Variants in ZNF610 observed in about 807,000 individuals in gnomAD.
The protein encoded by ZNF610 is zinc finger protein 610.
In ZNF610, 14 loss-of-function variants were observed where a neutral mutation model predicts 14.1. That is an observed-to-expected ratio of 0.99 (90% CI 0.65 to 1.55). The LOEUF (loss-of-function observed/expected upper bound fraction) is 1.55. Ranked by LOEUF, ZNF610 falls within the 40% of genes most tolerant of loss-of-function variation. The pLI is 0.00. For synonymous variants in ZNF610, 185 were observed against 187.6 expected (o/e 0.99, Z 0.11); for missense variants, 530 against 558.0 (o/e 0.95, Z 0.51).
chr19:52,334,910 C>A (rs150616194), upstream of ZNF610, among the ~76,000 whole-genome samples: 459 of 106,014 alleles, frequency 4.3e-3, 3 homozygotes, highest in East Asian at 0.034. Flanking sequence ...GCCTGGGTGA[C>A]AGAGCAAGAC....
intron 5 of ZNF610, among the ~76,000 whole-genome samples, chr19:52,357,317 G>T (rs1024999145): frequency 2.6e-5 from 4 of 152,092 alleles, no homozygotes; most frequent in African/African-American, 7.2e-5. Context: ...AGGAGTTTGA[G>T]ACCAGCAACA....
upstream of ZNF610, among the ~76,000 whole-genome samples, chr19:52,334,936 A>AACACACACACACAGACACACAC (rs1984301049): frequency 2.4e-5 from 1 of 41,536 alleles, no homozygotes; most frequent in Non-Finnish European, 5.0e-5. Flanking sequence ...CTCAAAAACA[A>AACACACACACACAGACACACAC]ACACACACAC....
chr19:52,359,505 G>T (rs1247476253), intron 5 of ZNF610, among the ~76,000 whole-genome samples: 1 of 152,090 alleles, frequency 6.6e-6, no homozygotes, highest in Admixed American at 6.6e-5. Flanking sequence ...AGTTGAATCT[G>T]CAGATATAGA....
chr19:52,344,028 A>C (rs1984814798), intron 1 of ZNF610: 1 of 152,106 alleles, frequency 6.6e-6, no homozygotes, highest in Non-Finnish European at 1.5e-5. Flanking sequence ...GTGGGAGGGA[A>C]GTTTACTCCA....
rs142202919 is a variant in ZNF610, at chr19:52,353,285, A to G, written c.64-397A>G. ...AATATTCTTAAATTTTGTATCATGTATCACTGTTTTATTAATGAAATAAAT... is the reference window on the plus strand; with the variant it reads ...AATATTCTTAAATTTTGTATCATGTGTCACTGTTTTATTAATGAAATAAAT... On this transcript the variant is annotated intron_variant, in intron 3 of 5. Coordinates refer to ENST00000403906, the MANE Select transcript of ZNF610 (RefSeq NM_001161425.2). Among the ~76,000 whole-genome samples, 466 of 152,324 alleles carry G rather than the reference A, an allele frequency of 3.1e-3. 9 individuals carry two copies. The East Asian group carries it at 0.066, about 22-fold the overall frequency.
intron 1 of ZNF610, among the ~76,000 whole-genome samples, chr19:52,338,680 AAAG>A (rs1386465117): frequency 3.3e-5 from 5 of 152,138 alleles, no homozygotes; most frequent in Non-Finnish European, 7.4e-5. Context: ...TCTCAAAAAA[AAAG>A]GAGGGGCTCT....
Position 52,354,352 on chromosome 19 carries a change from A to G in ZNF610, c.292A>G (p.Arg98Gly), listed in dbSNP as rs760352723. ...QVKIVKNTDGRECVRSVNTGR... is the reference protein window; with the variant it reads ...QVKIVKNTDGGECVRSVNTGR... ...TAAAATAGTAAAAAATACAGATGGA[A>G]GGGAATGTGTCAGAAGCGTGAACAC... The change falls in exon 5 of 6, where the codon AGG becomes GGG. Residue 98 changes from arginine to glycine, a missense_variant. By Grantham distance (125) the Arg-to-Gly change is moderately radical (BLOSUM62 -2). Transcript: ENST00000403906. 6 of 1,614,152 alleles carry G rather than the reference A, an allele frequency of 3.7e-6. No individual in the cohort carries two copies. The South Asian group carries it at 6.6e-5, about 18-fold the overall frequency.
chr19:52,335,904 T>C (rs1044150453), upstream of ZNF610, among the ~76,000 whole-genome samples: 3 of 152,190 alleles, frequency 2.0e-5, no homozygotes, highest in Non-Finnish European at 4.4e-5. Flanking sequence ...GGGTCTACAC[T>C]ACGCCCAGGC....
chr19:52,335,074 G>C (rs545326981), upstream of ZNF610, among the ~76,000 whole-genome samples: 2 of 130,038 alleles, frequency 1.5e-5, no homozygotes, highest in Non-Finnish European at 3.3e-5. Context: ...GCGTGGGGGG[G>C]GGGTGTGGAT....
intron 5 of ZNF610, among the ~76,000 whole-genome samples, chr19:52,358,537 G>A (rs1222238324): frequency 6.6e-6 from 1 of 152,158 alleles, no homozygotes; most frequent in Non-Finnish European, 1.5e-5. Context: ...GGAGTTTTAT[G>A]TATTTTAGAT....
chr19:52,348,976 G>A (rs780807241), intron 2 of ZNF610, among the ~76,000 whole-genome samples, 178 bp from the exon 3 acceptor site: 2 of 152,116 alleles, frequency 1.3e-5, no homozygotes, highest in Non-Finnish European at 2.9e-5. Context: ...CTGAATAAAA[G>A]AGTAAAAATT....
chr19:52,359,340 T>A (rs1034089065), intron 5 of ZNF610, among the ~76,000 whole-genome samples: 1 of 152,158 alleles, frequency 6.6e-6, no homozygotes, highest in Non-Finnish European at 1.5e-5. Context: ...TGTGTACAAA[T>A]TTTTCCCGTC....
intron 1 of ZNF610, chr19:52,345,391 T>A (rs565304738): frequency 3.9e-5 from 6 of 152,382 alleles, no homozygotes; most frequent in Admixed American, 6.5e-5. Context: ...TCCTTGTGTC[T>A]GTGGTGATGC....
At chr19:52,354,838 C>T (rs932564343) in intron 5 of ZNF610, among the ~76,000 whole-genome samples, 1 of 152,054 alleles carries the variant, frequency 6.6e-6, no homozygotes, top group African/African-American at 2.4e-5. Context: ...CTCAGCCTCC[C>T]AAAGTCCTGG....
chr19:52,352,089 T>C (rs2122226237), intron 3 of ZNF610, among the ~76,000 whole-genome samples: 1 of 152,356 alleles, frequency 6.6e-6, no homozygotes, highest in South Asian at 2.1e-4. Flanking sequence ...CTGACATTAC[T>C]CTTTTAGTAG....
rs1335557510 is a variant in ZNF610 at position 52,353,722 on chromosome 19, A to G, written c.104A>G (p.Gln35Arg). 1 of 1,613,984 alleles carries G rather than the reference A, an allele frequency of 6.2e-7. No individual in the cohort carries two copies. ...TFMDVAIEFSQEEWKSLDPGQ... is the reference protein window; with the variant it reads ...TFMDVAIEFSREEWKSLDPGQ... ...ATGGACGTGGCCATCGAATTCTCTCAGGAGGAGTGGAAATCCCTGGACCCT... is the reference window on the plus strand; with the variant it reads ...ATGGACGTGGCCATCGAATTCTCTCGGGAGGAGTGGAAATCCCTGGACCCT... The change falls in exon 4 of 6, where the codon CAG (glutamine) becomes CGG (arginine). Residue 35 changes from glutamine (Q) to arginine (R), a missense_variant. By Grantham distance (43) the Gln-to-Arg change is conservative. Coordinates refer to ENST00000403906, the MANE Select transcript of ZNF610 (RefSeq NM_001161425.2).
At chr19:52,364,498 T>C (rs1253193705) in intron 5 of ZNF610, among the ~76,000 whole-genome samples, 1 of 152,218 alleles carries the variant, frequency 6.6e-6, no homozygotes, top group Admixed American at 6.5e-5. Context: ...CTCTTCTTTA[T>C]TCAGGAACGT....
rs1170859960 is a variant in ZNF610 at position 52,349,137 on chromosome 19, G to A, written c.-19-17G>A. 1.9e-6 allele frequency: 3 copies of A among 1,591,774 alleles called. No homozygotes were observed. Among genetic ancestry groups the A allele is most frequent in the Non-Finnish European group, 8.6e-7 (1 of 1,160,938 alleles). On this transcript the variant is annotated splice_polypyrimidine_tract_variant and intron_variant, in intron 2 of 5. Coordinates refer to ENST00000403906, the MANE Select transcript of ZNF610 (RefSeq NM_001161425.2). ...GTGTTGATTCCGAGCAGTAATCAGTGTATTTTTGACATTTAGGATTGACTT... is the reference window on the plus strand; with the variant it reads ...GTGTTGATTCCGAGCAGTAATCAGTATATTTTTGACATTTAGGATTGACTT...
At chr19:52,348,398 T>C (rs1379959069) in intron 2 of ZNF610, among the ~76,000 whole-genome samples, 1 of 152,238 alleles carries the variant, frequency 6.6e-6, no homozygotes, top group Non-Finnish European at 1.5e-5. Flanking sequence ...CTTTTTGGTT[T>C]CTTTCCTTTT....
Sources: gnomAD v4.1 joint callset for allele counts (sites outside exome capture counted in the v4.1 genomes callset) on GRCh38, gnomAD v4.1.1 for gene constraint, MANE v1.5 for transcripts, NCBI Gene and HGNC (gene_info 2026-07-23, HGNC 2026-07-21) for gene names.